Variants in DEPDC1B observed in about 807,000 individuals in gnomAD.
DEPDC1B encodes DEP domain containing 1B.
Under a neutral mutation model 66.5 loss-of-function variants are expected in DEPDC1B, and 51 were observed. The ratio of observed to expected loss-of-function variants is 0.77; its 90% CI spans 0.61 to 0.97. The LOEUF is 0.97. DEPDC1B is among the 50% of genes least tolerant of loss of function. DEPDC1B has a pLI of 0.00. For missense variants in DEPDC1B, 552 were observed against 637.1 expected, an observed-to-expected ratio of 0.87 and a Z score of 1.44; for synonymous variants, 226 against 223.6, an observed-to-expected ratio of 1.01 and a Z score of -0.10.
rs745438799 is a variant in DEPDC1B, at chr5:60,644,794, A to G, written c.660T>C (p.Asn220=). 3 of 1,611,566 alleles carry G rather than the reference A, an allele frequency of 1.9e-6. No homozygotes were observed. The Admixed American group carries it at 5.0e-5, about 27-fold the overall frequency. Residue 220 remains asparagine, a synonymous_variant, in exon 5 of 11, where the codon AAT becomes AAC. Coordinates refer to ENST00000265036, the MANE Select transcript of DEPDC1B (RefSeq NM_018369.3). ...CTCCCTGCTTGCTAACACTATATAC[A>G]TTATGGATGATGAACTTCGAATTGA... ...KLVNSKFIIH[N]VYSVSKQGVV...
At chr5:60,618,748 A>G (rs570706823) in intron 7 of DEPDC1B, among the ~76,000 whole-genome samples, 3 of 152,352 alleles carry the variant, frequency 2.0e-5, no homozygotes, top group Non-Finnish European at 4.4e-5. Flanking sequence ...AAACTATTCC[A>G]ATCAATAGAA....
rs569766747 is a variant in DEPDC1B at position 60,617,607 on chromosome 5, A to G, written c.899-11751T>C. ...AGCTAACTATCCTAAATATATATGC[A>G]CCCAATACAGGAGCAGCCAGATTCA... On this transcript the variant is annotated intron_variant, in intron 7 of 10. Transcript: ENST00000265036. Among the ~76,000 whole-genome samples, 5 of 152,340 alleles carry G rather than the reference A, an allele frequency of 3.3e-5. No homozygotes were observed. The East Asian group carries it at 7.7e-4, about 23-fold the overall frequency.
chr5:60,652,502 T>C (rs1387909289), intron 2 of DEPDC1B, among the ~76,000 whole-genome samples: 4 of 149,396 alleles, frequency 2.7e-5, no homozygotes, highest in Non-Finnish European at 4.4e-5. Flanking sequence ...AGAAATCTGG[T>C]TAAAGGTTAC....
intron 2 of DEPDC1B, among the ~76,000 whole-genome samples, chr5:60,682,994 A>G (rs372655065): frequency 9.8e-5 from 15 of 152,300 alleles, no homozygotes; most frequent in African/African-American, 3.6e-4. Flanking sequence ...ACAAAAAAAG[A>G]AAAAAAGTGG....
At chr5:60,624,822 C>G (rs938078686) in intron 7 of DEPDC1B, among the ~76,000 whole-genome samples, 41 of 152,060 alleles carry the variant, frequency 2.7e-4, no homozygotes, top group Non-Finnish European at 1.0e-4. Context: ...GTGGCACCCA[C>G]AAACCAAAGT....
intron 2 of DEPDC1B, among the ~76,000 whole-genome samples, chr5:60,676,738 T>A (rs943784418): frequency 1.3e-5 from 2 of 152,112 alleles, no homozygotes; most frequent in African/African-American, 4.8e-5. Context: ...CTCCTCCGTC[T>A]CCTTCCCCTT....
In DEPDC1B at chr5:60,667,860, T is replaced by C. The variant is rs1384564093; in HGVS notation, c.314+19102A>G. 5.0e-5 allele frequency among the ~76,000 whole-genome samples: 5 copies of C among 99,576 alleles called. 2 individuals carry two copies. The highest frequency in any genetic ancestry group is 9.9e-5 in the Non-Finnish European group (5 of 50,686). The allele number at this position is 99,576 out of a possible 152,430, so 65.3% of individuals were successfully genotyped here. On this transcript the variant is annotated intron_variant, in intron 2 of 10. Coordinates refer to ENST00000265036, the MANE Select transcript of DEPDC1B (RefSeq NM_018369.3). ...GTAAAAAATGGATATTTTACATATA[T>C]GTAAAAAATGGATATTTTACATATA...
intron 2 of DEPDC1B, among the ~76,000 whole-genome samples, chr5:60,653,581 T>C (rs1753506289): frequency 1.3e-5 from 2 of 151,492 alleles, no homozygotes; most frequent in South Asian, 4.2e-4. Context: ...TTATTTCTTT[T>C]GCTATGCAGA....
At chr5:60,683,577 A>G (rs1485771896) in intron 2 of DEPDC1B, among the ~76,000 whole-genome samples, 6 of 152,232 alleles carry the variant, frequency 3.9e-5, no homozygotes, top group African/African-American at 1.4e-4. Context: ...TCCATTCATA[A>G]CAAAAACTCT....
chr5:60,615,948 C>T (rs1752542992), intron 7 of DEPDC1B, among the ~76,000 whole-genome samples: 1 of 152,176 alleles, frequency 6.6e-6, no homozygotes, highest in South Asian at 2.1e-4. Context: ...AAAAAACTTC[C>T]AAAGGAACGA....
rs1405810362 is a variant in DEPDC1B, at chr5:60,645,436, T to C, written c.578+56A>G. On this transcript the variant is annotated intron_variant, in intron 4 of 10. Coordinates refer to ENST00000265036, the MANE Select transcript of DEPDC1B (RefSeq NM_018369.3). Reference sequence around the variant, plus strand: ...ATTAAATATGCAGAGAGTGAAGAAGTAGCAAAATAGGAAACAATATCTCTA... The same window carrying C: ...ATTAAATATGCAGAGAGTGAAGAAGCAGCAAAATAGGAAACAATATCTCTA... 1.1e-5 allele frequency: 16 copies of C among 1,478,604 alleles called. 1 individual carries two copies. In the Middle Eastern group the frequency reaches 1.1e-3, roughly 102 times the overall value. The allele number at this position is 1,478,604 out of a possible 1,614,324, so 91.6% of individuals were successfully genotyped here.
At chr5:60,627,589 A>T (rs552875846) in intron 7 of DEPDC1B, among the ~76,000 whole-genome samples, 1 of 152,240 alleles carries the variant, frequency 6.6e-6, no homozygotes, top group Non-Finnish European at 1.5e-5. Flanking sequence ...CCTTCTTTTG[A>T]GAAAATGACA....
intron 2 of DEPDC1B, among the ~76,000 whole-genome samples, chr5:60,678,541 G>A (rs1302499705): frequency 2.6e-5 from 4 of 152,104 alleles, no homozygotes; most frequent in African/African-American, 9.7e-5. Flanking sequence ...GATTTCCAGT[G>A]ACTGCATCCT....
chr5:60,642,980 T>C, intron 5 of DEPDC1B, 121 bp from the exon 6 acceptor site: 1 of 686,066 alleles, frequency 1.5e-6, no homozygotes, highest in Non-Finnish European at 2.4e-6. Flanking sequence ...TAATCACAAA[T>C]CACCAATTTA....
chr5:60,634,148 C>T (rs561093803), intron 7 of DEPDC1B, among the ~76,000 whole-genome samples: 55 of 152,084 alleles, frequency 3.6e-4, no homozygotes, highest in Non-Finnish European at 6.6e-4. Context: ...TGACCAGTAC[C>T]CTTCTAAGAA....
chr5:60,675,903 C>CTTTTTTTTTTTTTTTTTTTTT (rs35113345), intron 2 of DEPDC1B, among the ~76,000 whole-genome samples: 4 of 138,960 alleles, frequency 2.9e-5, no homozygotes, highest in Non-Finnish European at 3.2e-5. Flanking sequence ...TTTCTTTTTT[C>CTTTTTTTTTTTTTTTTTTTTT]TTTTTTTTTT....
rs746642849 is a variant in DEPDC1B, at chr5:60,642,817, G to C, written c.752C>G (p.Ala251Gly). 1.2e-6 allele frequency: 2 copies of C among 1,609,618 alleles called. No homozygotes were observed. ...HWVLSAMKCL[A>G]NWPNCSDLKQ... ...GGCAGATAATTAGTACTTACAATTT[G>C]CCAAACACTTCATAGCTGACAGCAC... is the stretch of plus-strand genomic sequence containing the variant. The change falls in exon 6 of 11, where the codon GCA (alanine) becomes GGA (glycine). Residue 251 changes from alanine to glycine, a missense_variant. Transcript: ENST00000265036.
rs372237153 is a variant in DEPDC1B at position 60,599,030 on chromosome 5, A to G, written c.1428+45T>C. ...TTAAAATAAAAAAAAAAACATAAAA[A>G]CAGTAGGGAGGAGAAAAAATGGCTT... On this transcript the variant is annotated intron_variant, in intron 10 of 10. Transcript: ENST00000265036. 5.4e-5 allele frequency: 80 copies of G among 1,489,968 alleles called. No individual in the cohort carries two copies. In the African/African-American group the frequency reaches 1.1e-3, roughly 20 times the overall value. 92.3% of individuals were successfully genotyped at this position (1,489,968 alleles called of 1,614,324 possible).
intron 7 of DEPDC1B, among the ~76,000 whole-genome samples, chr5:60,615,903 G>T (rs1343415302): frequency 6.6e-6 from 1 of 152,214 alleles, no homozygotes; most frequent in Non-Finnish European, 1.5e-5. Flanking sequence ...AGTAGGGGCT[G>T]AATGACACCT....
Sources: allele counts gnomAD v4.1 joint callset (sites outside exome capture counted in the v4.1 genomes callset), GRCh38; gene constraint gnomAD v4.1.1; transcripts MANE v1.5; gene names NCBI Gene and HGNC (gene_info 2026-07-23, HGNC 2026-07-21).